RBFOX3: variants seen among roughly 807,000 people sequenced by gnomAD.
RBFOX3 encodes the protein RNA binding fox-1 homolog 3, also known as RNA binding protein fox-1 homolog 3.
RBFOX3 carries 17 observed loss-of-function variants against 48.7 expected under a neutral mutation model. The ratio of observed to expected loss-of-function variants is 0.35; its 90% CI spans 0.24 to 0.52. The LOEUF (loss-of-function observed/expected upper bound fraction) is 0.52. RBFOX3 is among the 20% of genes least tolerant of loss of function. RBFOX3 has a pLI of 0.94. For missense variants in RBFOX3, 382 were observed against 497.5 expected (o/e 0.77, Z 2.21); for synonymous variants, 212 against 209.5 (o/e 1.01, Z -0.10).
At chr17:79,338,678 T>C (rs547361397) in intron 2 of RBFOX3, among the ~76,000 whole-genome samples, 32 of 152,338 alleles carry the variant, frequency 2.1e-4, no homozygotes, top group African/African-American at 7.0e-4. Context: ...TACCATTCCC[T>C]GTCCTTTTTG....
chr17:79,107,803 G>A (rs940020853), intron 5 of RBFOX3, among the ~76,000 whole-genome samples: 2 of 152,304 alleles, frequency 1.3e-5, no homozygotes, highest in East Asian at 1.9e-4. Flanking sequence ...TTGTTTTCCC[G>A]CTCAGCCCAC....
chr17:79,117,733 G>A (rs2034483731), intron 4 of RBFOX3, among the ~76,000 whole-genome samples: 1 of 152,220 alleles, frequency 6.6e-6, no homozygotes, highest in Non-Finnish European at 1.5e-5. Context: ...CCCAACAACT[G>A]TTGATGGGGT....
chr17:79,555,516 G>C (rs1480176538), intron 1 of RBFOX3, among the ~76,000 whole-genome samples: 1 of 147,536 alleles, frequency 6.8e-6, no homozygotes, highest in African/African-American at 2.6e-5. Flanking sequence ...TGGTGATGGT[G>C]GTGGTGATGG....
intron 1 of RBFOX3, among the ~76,000 whole-genome samples, chr17:79,559,383 G>C (rs1471446084): frequency 6.6e-6 from 1 of 151,800 alleles, no homozygotes. Context: ...TGATTGGATG[G>C]ATGGGTGGAT....
At chr17:79,110,617 G>A (rs1431389436) in intron 5 of RBFOX3, among the ~76,000 whole-genome samples, 3 of 152,212 alleles carry the variant, frequency 2.0e-5, no homozygotes, top group Non-Finnish European at 4.4e-5. Flanking sequence ...TTGGTGAGCC[G>A]CTGGTGGGCA....
intron 4 of RBFOX3, 67 bp from the exon 5 acceptor site, chr17:79,115,815 G>C: frequency 3.5e-6 from 2 of 579,634 alleles, no homozygotes; most frequent in South Asian, 4.1e-5. Flanking sequence ...CTGAGGATGG[G>C]GCCTTGTGGC....
intron 2 of RBFOX3, among the ~76,000 whole-genome samples, chr17:79,308,277 G>C (rs2076354462): frequency 6.6e-6 from 1 of 152,238 alleles, no homozygotes; most frequent in African/African-American, 2.4e-5. Context: ...CTGCATCCTA[G>C]AGGAAATTGT....
chr17:79,499,100 T>C (rs1349118563), intron 1 of RBFOX3, among the ~76,000 whole-genome samples: 2 of 141,464 alleles, frequency 1.4e-5, no homozygotes, highest in Non-Finnish European at 3.1e-5. Flanking sequence ...ATCTACTCAC[T>C]CATCTATCCA....
chr17:79,373,040 G>A (rs569081838), intron 2 of RBFOX3, among the ~76,000 whole-genome samples: 177 of 152,298 alleles, frequency 1.2e-3, no homozygotes, highest in Admixed American at 2.2e-3. Context: ...CTCACTCCTC[G>A]GAAGAGGAAG....
chr17:79,557,542 G>C (rs1336822816), intron 1 of RBFOX3, among the ~76,000 whole-genome samples: 1 of 152,228 alleles, frequency 6.6e-6, no homozygotes, highest in Non-Finnish European at 1.5e-5. Flanking sequence ...GGGGGGAAAG[G>C]GGGGAAGAGT....
chr17:79,321,059 G>A (rs1283727566), intron 2 of RBFOX3, among the ~76,000 whole-genome samples: 1 of 152,222 alleles, frequency 6.6e-6, no homozygotes, highest in East Asian at 1.9e-4. Flanking sequence ...AGGCCCCCGT[G>A]CCACTGCCAA....
chr17:79,283,505 G>A (rs1005933975), intron 3 of RBFOX3, among the ~76,000 whole-genome samples: 5 of 152,138 alleles, frequency 3.3e-5, no homozygotes, highest in Non-Finnish European at 7.4e-5. Context: ...CTGACCTCAA[G>A]TGATCTGCCC....
chr17:79,394,127 C>T (rs867208446), intron 2 of RBFOX3, among the ~76,000 whole-genome samples: 4 of 152,002 alleles, frequency 2.6e-5, no homozygotes, highest in African/African-American at 7.2e-5. Flanking sequence ...CCAATCATCA[C>T]GCACATCTGA....
intron 4 of RBFOX3, among the ~76,000 whole-genome samples, chr17:79,189,619 C>T (rs148345290): frequency 2.9e-4 from 44 of 152,320 alleles, no homozygotes; most frequent in African/African-American, 9.1e-4. Context: ...CCTGTGATGA[C>T]GCCAAGGAGA....
chr17:79,509,351 C>G (rs2083723870), intron 1 of RBFOX3, among the ~76,000 whole-genome samples: 1 of 152,044 alleles, frequency 6.6e-6, no homozygotes, highest in South Asian at 2.1e-4. Flanking sequence ...CCTGGTCCTC[C>G]CCACACCCCC....
At chr17:79,359,754 G>T (rs114118943) in intron 2 of RBFOX3, among the ~76,000 whole-genome samples, 2,109 of 151,248 alleles carry the variant, frequency 0.014, 48 homozygotes, top group African/African-American at 0.048. Context: ...TTGAGATAGG[G>T]TCTCACTCTG....
At chr17:79,112,155 C>A (rs2031903767) in intron 5 of RBFOX3, among the ~76,000 whole-genome samples, 1 of 152,138 alleles carries the variant, frequency 6.6e-6, no homozygotes, top group African/African-American at 2.4e-5. Context: ...AATGATGTAG[C>A]TGGAAAGTCA....
chr17:79,612,055 G>C (rs887392179), upstream of RBFOX3, among the ~76,000 whole-genome samples: 218 of 152,256 alleles, frequency 1.4e-3, no homozygotes, highest in African/African-American at 5.0e-3. Context: ...GGACCCTCTG[G>C]AAAGGCAGGA....
At chr17:79,620,230 CACGCACAT>C in the RBFOX3 span, among the ~76,000 whole-genome samples, 1 of 151,600 alleles carries the variant, frequency 6.6e-6, no homozygotes, top group African/African-American at 2.4e-5. Flanking sequence ...GACATGCACA[CACGCACAT>C]GCACACATAC....
Sources: gnomAD v4.1 joint callset for allele counts (sites outside exome capture counted in the v4.1 genomes callset) on GRCh38, gnomAD v4.1.1 for gene constraint, MANE v1.5 for transcripts, NCBI Gene and HGNC (gene_info 2026-07-23, HGNC 2026-07-21) for gene names.